The following ANTXR1 variants were observed in gnomAD, a reference collection of about 807,000 sequenced individuals.
The protein encoded by ANTXR1 is ANTXR cell adhesion molecule 1.
In ANTXR1, 19 loss-of-function variants were observed where a neutral mutation model predicts 78.1. That is an observed-to-expected ratio of 0.24 (90% CI 0.17 to 0.36). ANTXR1 has a LOEUF of 0.36. Ranked by LOEUF, ANTXR1 falls within the 10% of genes least tolerant of loss-of-function variation. The pLI, the probability that ANTXR1 is intolerant of heterozygous loss-of-function variation, is 1.00. For synonymous variants in ANTXR1, 273 were observed against 260.5 expected, an observed-to-expected ratio of 1.05 and a Z score of -0.46; for missense variants, 518 against 718.6, an observed-to-expected ratio of 0.72 and a Z score of 3.19.
At chr2:69,102,780 G>T (rs774119725) in intron 9 of ANTXR1, 62 bp from the exon 10 acceptor site, 144 of 1,452,182 alleles carry the variant, frequency 9.9e-5, no homozygotes, top group Non-Finnish European at 1.4e-4. Context: ...CTAAATCAGG[G>T]CAGATGCGAA....
intron 10 of ANTXR1, among the ~76,000 whole-genome samples, chr2:69,114,294 G>A (rs1471034845): frequency 6.6e-6 from 1 of 152,110 alleles, no homozygotes; most frequent in East Asian, 1.9e-4. Context: ...AACACATATG[G>A]GTAGATAATA....
intron 17 of ANTXR1, among the ~76,000 whole-genome samples, chr2:69,225,899 G>A (rs545760014): frequency 6.6e-6 from 1 of 152,326 alleles, no homozygotes; most frequent in African/African-American, 2.4e-5. Flanking sequence ...GAAAGGACCA[G>A]GTGGGAATTG....
chr2:69,157,980 C>T (rs1673573384), intron 13 of ANTXR1, among the ~76,000 whole-genome samples: 1 of 152,198 alleles, frequency 6.6e-6, no homozygotes, highest in African/African-American at 2.4e-5. Flanking sequence ...GGCCCCACTT[C>T]TCCAGCCTCA....
At chr2:69,205,375 G>A (rs1310172503) in intron 17 of ANTXR1, among the ~76,000 whole-genome samples, 3 of 152,198 alleles carry the variant, frequency 2.0e-5, no homozygotes, top group East Asian at 3.9e-4. Context: ...GCCCCCACCT[G>A]CAAGCTCCAC....
chr2:69,052,572 T>G (rs1308430579), intron 3 of ANTXR1, among the ~76,000 whole-genome samples: 3 of 152,104 alleles, frequency 2.0e-5, no homozygotes, highest in African/African-American at 2.4e-5. Context: ...TTTTTAAATA[T>G]CAACAGAATA....
intron 1 of ANTXR1, among the ~76,000 whole-genome samples, chr2:69,037,434 G>A (rs1669473663): frequency 6.6e-6 from 1 of 152,144 alleles, no homozygotes; most frequent in Non-Finnish European, 1.5e-5. Flanking sequence ...GTCTGTGTTG[G>A]TTAAAAGCAA....
At chr2:69,236,470 A>T (rs1675767032) in intron 17 of ANTXR1, among the ~76,000 whole-genome samples, 1 of 152,214 alleles carries the variant, frequency 6.6e-6, no homozygotes, top group Admixed American at 6.5e-5. Flanking sequence ...ATTGGCAAAA[A>T]TTTTTAATTC....
chr2:69,223,631 GTCA>G (rs747807713), intron 17 of ANTXR1, among the ~76,000 whole-genome samples: 13 of 152,156 alleles, frequency 8.5e-5, no homozygotes, highest in African/African-American at 1.9e-4. Context: ...CACCATCACT[GTCA>G]TCATCATAAT....
intron 6 of ANTXR1, 106 bp downstream of exon 6, chr2:69,073,207 T>A: frequency 3.2e-6 from 3 of 933,838 alleles, no homozygotes; most frequent in Non-Finnish European, 5.3e-6. Flanking sequence ...TCTTTGCAAA[T>A]CCCCTGAATG....
intron 17 of ANTXR1, among the ~76,000 whole-genome samples, chr2:69,195,177 A>AAG (rs1553374547): frequency 3.0e-5 from 4 of 134,928 alleles, no homozygotes; most frequent in African/African-American, 1.5e-4. Context: ...AAAAAAAAAG[A>AAG]AAAAAGAAAA....
chr2:69,013,623 G>C lies in ANTXR1; in HGVS notation c.124G>C (p.Gly42Arg). Residue 42 changes from glycine to arginine, a missense_variant, in exon 1 of 18, where the codon GGA (glycine) becomes CGA (arginine). Gly to Arg is a moderately radical substitution (Grantham distance 125). This residue lies in a region of ANTXR1 where 6 missense variants were observed against 27.0 expected (regional missense o/e 0.22). Coordinates refer to ENST00000303714, the MANE Select transcript of ANTXR1 (RefSeq NM_032208.3). The surrounding 1 kb of genome is among the most constrained non-coding windows in gnomAD (Gnocchi z 5.0). ...GGATGGGGGTCCAGCCTGCTACGGC[G>C]GATTTGACCTGTACTTCATTTTGGA... Reference protein sequence around the residue: ...REDGGPACYGGFDLYFILDKS... With the variant: ...REDGGPACYGRFDLYFILDKS... 6.4e-7 allele frequency: 1 copy of C among 1,555,286 alleles called. No homozygotes were observed. The highest frequency in any genetic ancestry group is 8.7e-7 in the Non-Finnish European group (1 of 1,148,490).
rs1673399828 is a variant in ANTXR1, at chr2:69,151,592, A to G, written c.952-577A>G. On this transcript the variant is annotated intron_variant, in intron 12 of 17. Coordinates refer to ENST00000303714, the MANE Select transcript of ANTXR1 (RefSeq NM_032208.3). ...TCCCTCATTCCCATGTAGCCACTTG[A>G]TCTGACTGTAGCCCCTCGCCTCCCA... 3.3e-5 allele frequency among the ~76,000 whole-genome samples: 5 copies of G among 152,262 alleles called. No homozygotes were observed. The South Asian group carries it at 1.0e-3, about 32-fold the overall frequency.
At chr2:69,083,922 G>A (rs968479872) in intron 8 of ANTXR1, among the ~76,000 whole-genome samples, 1 of 152,206 alleles carries the variant, frequency 6.6e-6, no homozygotes, top group African/African-American at 2.4e-5. Flanking sequence ...TCATTAATTA[G>A]ACTCAGATTT....
intron 12 of ANTXR1, among the ~76,000 whole-genome samples, chr2:69,129,201 TAA>T (rs1226195891): frequency 6.6e-6 from 1 of 152,246 alleles, no homozygotes; most frequent in South Asian, 2.1e-4. Flanking sequence ...AGAAAATTAC[TAA>T]TATAGTGCTG....
chr2:69,149,701 C>T (rs1673339829), intron 12 of ANTXR1, among the ~76,000 whole-genome samples: 1 of 152,128 alleles, frequency 6.6e-6, no homozygotes. Context: ...AGAGCGAGTT[C>T]CAGCTCAGTG....
rs113292815 is a variant in ANTXR1, at chr2:69,081,016, A to T, written c.642+3528A>T. Reference sequence around the variant, plus strand: ...AAATCAAGACTCAGGAAATCTAGACATCATGGCACTCAGAATCAATAGCAT... The same window carrying T: ...AAATCAAGACTCAGGAAATCTAGACTTCATGGCACTCAGAATCAATAGCAT... On this transcript the variant is annotated intron_variant, in intron 8 of 17. Coordinates refer to ENST00000303714, the MANE Select transcript of ANTXR1 (RefSeq NM_032208.3). 2.6e-3 allele frequency among the ~76,000 whole-genome samples: 393 copies of T among 152,360 alleles called. 1 individual carries two copies. The highest frequency in any genetic ancestry group is 9.2e-3 in the African/African-American group (381 of 41,580).
At chr2:69,184,397 T>A (rs1360324862) in intron 16 of ANTXR1, among the ~76,000 whole-genome samples, 1 of 152,226 alleles carries the variant, frequency 6.6e-6, no homozygotes. Flanking sequence ...AACAGCTGTT[T>A]GCTTCTAATT....
chr2:69,231,448 C>A (rs1675595084), intron 17 of ANTXR1, among the ~76,000 whole-genome samples: 1 of 152,116 alleles, frequency 6.6e-6, no homozygotes, highest in Admixed American at 6.6e-5. Context: ...AAAAGGGAAA[C>A]CTACAACTCA....
intron 8 of ANTXR1, among the ~76,000 whole-genome samples, chr2:69,080,393 C>A (rs1325392835): frequency 6.6e-6 from 1 of 152,132 alleles, no homozygotes; most frequent in Admixed American, 6.5e-5. Flanking sequence ...GTTATTTTCT[C>A]ATAATAAAAT....
Sources: gnomAD v4.1 joint callset for allele counts (sites outside exome capture counted in the v4.1 genomes callset) on GRCh38, gnomAD v4.1.1 for gene constraint, gnomAD v4.1.1 regional missense constraint, Gnocchi (gnomAD v3.1) non-coding constraint, MANE v1.5 for transcripts, NCBI Gene and HGNC (gene_info 2026-07-23, HGNC 2026-07-21) for gene names.